Variants in HGSNAT observed in about 807,000 individuals in gnomAD.
The protein encoded by HGSNAT is transmembrane protein 76.
Under a neutral mutation model 85.2 loss-of-function variants are expected in HGSNAT, and 59 were observed. The observed-to-expected ratio is 0.69, with a 90% CI of 0.56 to 0.86. The LOEUF (loss-of-function observed/expected upper bound fraction) is 0.86. HGSNAT is among the 40% of genes least tolerant of loss of function. The pLI is 0.00. For synonymous variants in HGSNAT, 321 were observed against 304.5 expected (o/e 1.05, Z -0.56); for missense variants, 756 against 777.1 (o/e 0.97, Z 0.32).
intron 6 of HGSNAT, 120 bp from the exon 7 acceptor site, chr8:43,170,465 G>A (rs533983248): frequency 1.1e-6 from 1 of 901,180 alleles, no homozygotes; most frequent in African/African-American, 1.6e-5. Flanking sequence ...GGGCCACAGA[G>A]CGAGACTCTG....
chr8:43,189,974 T>A (rs1160957272), intron 11 of HGSNAT, among the ~76,000 whole-genome samples: 1 of 152,234 alleles, frequency 6.6e-6, no homozygotes, highest in Non-Finnish European at 1.5e-5. Flanking sequence ...ATTATTGCGA[T>A]TTTTTCAATT....
intron 14 of HGSNAT, chr8:43,194,326 A>G: frequency 1.1e-6 from 1 of 882,284 alleles, no homozygotes; most frequent in African/African-American, 1.8e-5. Flanking sequence ...TGAACCAAGG[A>G]GGTTGAGGCT....
At position 43,189,175 on chromosome 8, in the gene HGSNAT, G is replaced by A. The variant is rs1056611873; in HGVS notation, c.1129-2299G>A. Among the ~76,000 whole-genome samples, 6 of 152,206 alleles carry A rather than the reference G, an allele frequency of 3.9e-5. No homozygotes were observed. In the South Asian group the frequency reaches 1.0e-3, roughly 26 times the overall value. Reference sequence around the variant, plus strand: ...CTCTTCAAAGCTGTCAGACAGGGACGTTTAAGTTTGCAGAAGTTTCTGCTG... The same window carrying A: ...CTCTTCAAAGCTGTCAGACAGGGACATTTAAGTTTGCAGAAGTTTCTGCTG... On this transcript the variant is annotated intron_variant, in intron 11 of 17. Transcript: ENST00000379644.
At chr8:43,197,444 C>G in intron 15 of HGSNAT, 1 of 569,796 alleles carries the variant, frequency 1.8e-6, no homozygotes. Flanking sequence ...GTCATTTAAT[C>G]AGTAAGCTTA....
chr8:43,148,680 C>T (rs1802791555), intron 2 of HGSNAT, among the ~76,000 whole-genome samples: 1 of 151,150 alleles, frequency 6.6e-6, no homozygotes, highest in South Asian at 2.1e-4. Flanking sequence ...ATCACAGCTA[C>T]TTGGGAGGCT....
rs377486419 is a variant in HGSNAT, at chr8:43,191,496, G to A, written c.1151G>A (p.Arg384Gln). The A allele has an allele frequency of 6.2e-6, 10 of 1,613,618 alleles. No individual in the cohort carries two copies. Among genetic ancestry groups the A allele is most frequent in the African/African-American group, 2.7e-5 (2 of 74,864 alleles). The change falls in exon 12 of 18, where the codon CGA becomes CAA. Residue 384 changes from arginine to glutamine, a missense_variant. Physicochemically the swap from Arg to Gln is conservative, Grantham distance 43 (BLOSUM62 1). Coordinates refer to ENST00000379644, the MANE Select transcript of HGSNAT (RefSeq NM_152419.3). Reference sequence around the variant, plus strand: ...CAGGAGAGGAGCTGCCTTTCTCTTCGAGACATCACGTCCAGCTGGCCCCAG... The same window carrying A: ...CAGGAGAGGAGCTGCCTTTCTCTTCAAGACATCACGTCCAGCTGGCCCCAG... ...CASERSCLSL[R>Q]DITSSWPQWL...
intron 9 of HGSNAT, among the ~76,000 whole-genome samples, chr8:43,177,645 A>C (rs1321305694): frequency 6.6e-6 from 1 of 151,942 alleles, no homozygotes; most frequent in African/African-American, 2.4e-5. Context: ...GACTAAATGG[A>C]GAGAGAAAAA....
intron 5 of HGSNAT, among the ~76,000 whole-genome samples, chr8:43,162,039 TGGTGAA>T: frequency 6.6e-6 from 1 of 152,364 alleles, no homozygotes; most frequent in South Asian, 2.1e-4. Flanking sequence ...CTGCTCTGCG[TGGTGAA>T]TAGCGATTCT....
intron 5 of HGSNAT, among the ~76,000 whole-genome samples, chr8:43,167,196 T>A (rs1803460587): frequency 6.6e-6 from 1 of 152,238 alleles, no homozygotes; most frequent in Non-Finnish European, 1.5e-5. Context: ...GGATTTAGAA[T>A]ATCACATAAA....
chr8:43,162,396 G>A (rs952975807), intron 5 of HGSNAT, among the ~76,000 whole-genome samples: 3 of 152,206 alleles, frequency 2.0e-5, no homozygotes, highest in African/African-American at 7.2e-5. Context: ...ATGTTGCCCA[G>A]AAGCCGGTGT....
chr8:43,152,228 T>C (rs932402993), intron 2 of HGSNAT, among the ~76,000 whole-genome samples: 22 of 151,928 alleles, frequency 1.4e-4, no homozygotes, highest in African/African-American at 5.3e-4. Context: ...TAGGCGGAGG[T>C]TGTAGTGAGC....
At chr8:43,167,307 C>T (rs1014455579) in intron 5 of HGSNAT, among the ~76,000 whole-genome samples, 1 of 152,146 alleles carries the variant, frequency 6.6e-6, no homozygotes, top group South Asian at 2.1e-4. Context: ...TCACGTGCTG[C>T]AGAGAAATCT....
Position 43,197,598 on chromosome 8 carries a change from A to G in HGSNAT, c.1543-74A>G, listed in dbSNP as rs144064738. The G allele has an allele frequency of 2.2e-3, 2,248 of 1,020,380 alleles. 31 individuals are homozygous for G. In the African/African-American group the frequency reaches 0.031, roughly 14 times the overall value. The allele number at this position is 1,020,380 out of a possible 1,614,324, so 63.2% of individuals were successfully genotyped here. On this transcript the variant is annotated intron_variant, in intron 15 of 17. Transcript: ENST00000379644. Reference sequence around the variant, plus strand: ...CTCTACGTGATTAAATAACTAATATATATTGGTGTTGAAACCAAGTGTTTT... The same window carrying G: ...CTCTACGTGATTAAATAACTAATATGTATTGGTGTTGAAACCAAGTGTTTT...
intron 2 of HGSNAT, among the ~76,000 whole-genome samples, chr8:43,153,448 C>T (rs1360461551): frequency 5.9e-5 from 9 of 152,046 alleles, no homozygotes; most frequent in Admixed American, 5.9e-4. Context: ...CCACCTCGGC[C>T]TCCCAAAGTG....
Position 43,146,582 on chromosome 8 carries a change from A to T in HGSNAT, c.119-366A>T, listed in dbSNP as rs139207456. 3.3e-5 allele frequency among the ~76,000 whole-genome samples: 5 copies of T among 152,314 alleles called. No individual in the cohort carries two copies. In the East Asian group the frequency reaches 9.6e-4, roughly 29 times the overall value. On this transcript the variant is annotated intron_variant, in intron 1 of 17. Coordinates refer to ENST00000379644, the MANE Select transcript of HGSNAT (RefSeq NM_152419.3). The stretch of plus-strand genomic sequence containing the variant: ...CCTAGCTCATAAGATTGTCATTATT[A>T]TAGGGAAACTACTAAATTCAGTACA...
rs551835993 is a variant in HGSNAT, at chr8:43,182,594, C to T, written c.1128+334C>T. Among the ~76,000 whole-genome samples, 4 of 152,168 alleles carry T rather than the reference C, an allele frequency of 2.6e-5. No homozygotes were observed. The South Asian group carries it at 8.3e-4, about 32-fold the overall frequency. On this transcript the variant is annotated intron_variant, in intron 11 of 17. Coordinates refer to ENST00000379644, the MANE Select transcript of HGSNAT (RefSeq NM_152419.3). Reference sequence around the variant, plus strand: ...AATTAGCTGGGACTACAGGAGCGCACCACCATGCCTGGCTAGTTTTATTTA... The same window carrying T: ...AATTAGCTGGGACTACAGGAGCGCATCACCATGCCTGGCTAGTTTTATTTA...
rs183232303 is a variant in HGSNAT, at chr8:43,171,886, G to A, written c.744-424G>A. ...TTTACTGATGAGAACCTTGCCCAGG[G>A]TCTTATGGCTAATGACAGAAAAGGA... On this transcript the variant is annotated intron_variant, in intron 7 of 17. Transcript: ENST00000379644. 3.3e-5 allele frequency among the ~76,000 whole-genome samples: 5 copies of A among 152,278 alleles called. No homozygotes were observed. In the East Asian group the frequency reaches 9.6e-4, roughly 29 times the overall value.
At chr8:43,191,335 C>G (rs1439247492) in intron 11 of HGSNAT, 139 bp from the exon 12 acceptor site, 3 of 947,034 alleles carry the variant, frequency 3.2e-6, no homozygotes, top group Middle Eastern at 2.2e-4. Context: ...TCTGGAGAAC[C>G]TAACGTAGTC....
At chr8:43,145,564 A>G (rs1297765831) in intron 1 of HGSNAT, among the ~76,000 whole-genome samples, 1 of 152,150 alleles carries the variant, frequency 6.6e-6, no homozygotes, top group Non-Finnish European at 1.5e-5. Flanking sequence ...CATCCTGGCC[A>G]ATGTGGTGAA....
Sources: allele counts gnomAD v4.1 joint callset (sites outside exome capture counted in the v4.1 genomes callset), GRCh38; gene constraint gnomAD v4.1.1; transcripts MANE v1.5; gene names NCBI Gene and HGNC (gene_info 2026-07-23, HGNC 2026-07-21).